Variants in OPCML observed in about 807,000 individuals in gnomAD.
OPCML encodes opioid binding protein/cell adhesion molecule like.
In OPCML, 13 loss-of-function variants were observed where a neutral mutation model predicts 37.8. The observed-to-expected ratio is 0.34, with a 90% confidence interval of 0.22 to 0.55. The LOEUF (loss-of-function observed/expected upper bound fraction) is 0.55. Ranked by LOEUF, OPCML falls within the 20% of genes least tolerant of loss-of-function variation. OPCML has a pLI of 0.91. For synonymous variants in OPCML, 176 were observed against 168.8 expected, an observed-to-expected ratio of 1.04 and a Z score of -0.33; for missense variants, 341 against 435.6, an observed-to-expected ratio of 0.78 and a Z score of 1.93.
intron 1 of OPCML, among the ~76,000 whole-genome samples, chr11:133,069,433 C>A (rs1035156124): frequency 6.6e-6 from 1 of 152,174 alleles, no homozygotes; most frequent in Non-Finnish European, 1.5e-5. Context: ...GTGCCAAGCT[C>A]TCCTATTCAC....
chr11:132,433,403 A>T (rs2096003782), intron 7 of OPCML, among the ~76,000 whole-genome samples: 1 of 152,180 alleles, frequency 6.6e-6, no homozygotes, highest in African/African-American at 2.4e-5. Flanking sequence ...CCACACATCT[A>T]AATGTAGCAT....
chr11:133,376,414 A>T (rs1178676695), intron 1 of OPCML, among the ~76,000 whole-genome samples: 1 of 152,236 alleles, frequency 6.6e-6, no homozygotes, highest in African/African-American at 2.4e-5. Context: ...TTGTGATGAC[A>T]TTAAACATCA....
intron 2 of OPCML, among the ~76,000 whole-genome samples, chr11:132,684,218 A>G (rs1161081347): frequency 6.6e-6 from 1 of 152,220 alleles, no homozygotes; most frequent in Non-Finnish European, 1.5e-5. Flanking sequence ...AGCTCCTGCT[A>G]TACTAGTGGC....
intron 4 of OPCML, among the ~76,000 whole-genome samples, chr11:132,463,483 A>G: frequency 6.6e-6 from 1 of 152,238 alleles, no homozygotes; most frequent in East Asian, 1.9e-4. Flanking sequence ...CCCATTGCAG[A>G]TGTCCTGAAG....
intron 1 of OPCML, chr11:133,420,986 A>G (rs960080062): frequency 2.2e-5 from 22 of 985,276 alleles, no homozygotes; most frequent in South Asian, 9.4e-5. Flanking sequence ...TGGGAAAAAA[A>G]GCTGCAGGAG....
chr11:132,501,612 A>G (rs1192445342), intron 4 of OPCML, among the ~76,000 whole-genome samples: 1 of 152,202 alleles, frequency 6.6e-6, no homozygotes, highest in African/African-American at 2.4e-5. Flanking sequence ...CATGATAACT[A>G]TGGTAGAAAT....
At chr11:133,222,584 A>G (rs991873463) in intron 1 of OPCML, among the ~76,000 whole-genome samples, 1 of 152,098 alleles carries the variant, frequency 6.6e-6, no homozygotes, top group Non-Finnish European at 1.5e-5. Flanking sequence ...GCACTTAAGG[A>G]TATAAACACC....
chr11:133,309,522 A>T lies in OPCML; in HGVS notation c.61+222742T>A, dbSNP rs114419729. Among the ~76,000 whole-genome samples, 590 of 152,324 alleles carry T rather than the reference A, an allele frequency of 3.9e-3. 3 individuals are homozygous for T. The highest frequency in any genetic ancestry group is 0.014 in the African/African-American group (564 of 41,570). On this transcript the variant is annotated intron_variant, in intron 1 of 7. Transcript: ENST00000524381. ...GAAGAAGACACGACAACTAAATGCAATGTGGGATCCTGGATTGAATCTTGT... is the reference window on the plus strand; with the variant it reads ...GAAGAAGACACGACAACTAAATGCATTGTGGGATCCTGGATTGAATCTTGT...
intron 1 of OPCML, among the ~76,000 whole-genome samples, chr11:133,410,505 G>A (rs1300211955): frequency 2.6e-5 from 4 of 151,426 alleles, no homozygotes; most frequent in African/African-American, 7.3e-5. Context: ...TTGCTCCCTC[G>A]AGAAAGGCTG....
chr11:132,534,116 A>G lies in OPCML; in HGVS notation c.380-4930T>C, dbSNP rs536630357. 3.3e-5 allele frequency among the ~76,000 whole-genome samples: 5 copies of G among 152,120 alleles called. No homozygotes were observed. In the East Asian group the frequency reaches 9.7e-4, roughly 29 times the overall value. On this transcript the variant is annotated intron_variant, in intron 3 of 7. Coordinates refer to ENST00000524381, the MANE Select transcript of OPCML (RefSeq NM_001012393.5). Reference sequence around the variant, plus strand: ...GCTCTATCCTCTCCCTGAAATCCTCACCATCCTATTCTTCACATGTGTAAT... The same window carrying G: ...GCTCTATCCTCTCCCTGAAATCCTCGCCATCCTATTCTTCACATGTGTAAT...
intron 2 of OPCML, among the ~76,000 whole-genome samples, chr11:132,830,498 G>A (rs1940624397): frequency 1.3e-5 from 2 of 152,162 alleles, no homozygotes; most frequent in East Asian, 3.9e-4. Context: ...ATGCTACCCT[G>A]CAGTGTCGGT....
intron 1 of OPCML, among the ~76,000 whole-genome samples, chr11:133,051,492 C>A (rs1355807573): frequency 6.6e-6 from 1 of 152,158 alleles, no homozygotes. Flanking sequence ...CTTCTGCATG[C>A]CTTCCAGGAG....
chr11:133,188,321 T>C (rs1938173439), intron 1 of OPCML, among the ~76,000 whole-genome samples: 1 of 152,214 alleles, frequency 6.6e-6, no homozygotes, highest in South Asian at 2.1e-4. Context: ...TCTGTCTTTA[T>C]CACTGGCTCT....
At chr11:133,434,444 G>GGT (rs371500403) in intron 1 of OPCML, among the ~76,000 whole-genome samples, 21,695 of 152,028 alleles carry the variant, frequency 0.14, 1,743 homozygotes, top group African/African-American at 0.21. Context: ...GCTCATTTGT[G>GGT]TATAGAAGTT....
At chr11:133,378,883 G>A (rs185859656) in intron 1 of OPCML, among the ~76,000 whole-genome samples, 4 of 152,012 alleles carry the variant, frequency 2.6e-5, no homozygotes, top group Admixed American at 2.6e-4. Flanking sequence ...CTAGGACAAC[G>A]AGTGCACACC....
Position 133,161,429 on chromosome 11 carries a change from G to A in OPCML, c.62-218419C>T, listed in dbSNP as rs150795422. Among the ~76,000 whole-genome samples, 545 of 152,292 alleles carry A rather than the reference G, an allele frequency of 3.6e-3. 1 individual carries two copies. The highest frequency in any genetic ancestry group is 5.5e-3 in the Non-Finnish European group (377 of 68,020). The stretch of plus-strand genomic sequence containing the variant: ...CTGGTAGGTAGACAAGCGTGAGGAA[G>A]GTGTTCTAAGAACTGAGTAATAGCA... On this transcript the variant is annotated intron_variant, in intron 1 of 7. Coordinates refer to ENST00000524381, the MANE Select transcript of OPCML (RefSeq NM_001012393.5).
chr11:132,468,571 T>G (rs1374905345), intron 4 of OPCML, among the ~76,000 whole-genome samples: 1 of 152,218 alleles, frequency 6.6e-6, no homozygotes, highest in Non-Finnish European at 1.5e-5. Flanking sequence ...GTTAAAAATC[T>G]TTAGCCTTTT....
chr11:132,570,820 G>GAGAGAGAGAGAGAGAGAGAGA (rs1245612388), intron 3 of OPCML, among the ~76,000 whole-genome samples: 14 of 123,698 alleles, frequency 1.1e-4, no homozygotes, highest in African/African-American at 3.7e-4. Context: ...GAGAGAGAGA[G>GAGAGAGAGAGAGAGAGAGAGA]GATATATACT....
chr11:133,321,952 C>T (rs569426581), intron 1 of OPCML, among the ~76,000 whole-genome samples: 2 of 152,214 alleles, frequency 1.3e-5, no homozygotes, highest in South Asian at 2.1e-4. Flanking sequence ...ACCATAGTAT[C>T]GAACAGCAGA....
Sources: gnomAD v4.1 joint callset for allele counts (sites outside exome capture counted in the v4.1 genomes callset) on GRCh38, gnomAD v4.1.1 for gene constraint, MANE v1.5 for transcripts, NCBI Gene and HGNC (gene_info 2026-07-23, HGNC 2026-07-21) for gene names.